MBOAT1: variants seen among roughly 807,000 people sequenced by gnomAD.
MBOAT1 encodes membrane-bound glycerophospholipid O-acyltransferase 1.
In MBOAT1, 67 loss-of-function variants were observed where a neutral mutation model predicts 64.4. The ratio of observed to expected loss-of-function variants is 1.04; its 90% confidence interval spans 0.85 to 1.27. The LOEUF (loss-of-function observed/expected upper bound fraction) is 1.27. MBOAT1 is among the 50% of genes most tolerant of loss of function. MBOAT1 has a pLI of 0.00. For missense variants in MBOAT1, 563 were observed against 604.6 expected (o/e 0.93, Z 0.72); for synonymous variants, 229 against 218.9 (o/e 1.05, Z -0.41).
At chr6:20,150,810 G>T (rs1281942150) in intron 3 of MBOAT1, among the ~76,000 whole-genome samples, 1 of 149,708 alleles carries the variant, frequency 6.7e-6, no homozygotes, top group Non-Finnish European at 1.5e-5. Context: ...TTGAACTCTT[G>T]ACCTCAGGCA....
At chr6:20,119,882 C>T (rs940615202) in intron 8 of MBOAT1, among the ~76,000 whole-genome samples, 1 of 152,220 alleles carries the variant, frequency 6.6e-6, no homozygotes, top group Non-Finnish European at 1.5e-5. Flanking sequence ...CTGACCGTCA[C>T]TGGGACCAGC....
rs183199266 is a variant in MBOAT1, at chr6:20,131,612, C to T, written c.420-413G>A. 2.2e-3 allele frequency among the ~76,000 whole-genome samples: 332 copies of T among 152,238 alleles called. 1 individual carries two copies. The highest frequency in any genetic ancestry group is 7.1e-3 in the African/African-American group (294 of 41,528). On this transcript the variant is annotated intron_variant, in intron 4 of 12. Transcript: ENST00000324607. ...ATGTCTTTATTTAGCAGCATGAGAA[C>T]GGACTAATACAGCCGTTGGAAAGAA... is the stretch of plus-strand genomic sequence containing the variant.
chr6:20,146,773 A>T (rs1252647243), intron 3 of MBOAT1, among the ~76,000 whole-genome samples: 3 of 152,224 alleles, frequency 2.0e-5, no homozygotes, highest in African/African-American at 7.2e-5. Flanking sequence ...CCGCCTGCCC[A>T]GGATGGCACC....
chr6:20,178,876 C>G (rs888872608), intron 1 of MBOAT1, among the ~76,000 whole-genome samples: 2 of 151,680 alleles, frequency 1.3e-5, no homozygotes, highest in African/African-American at 2.4e-5. Context: ...ATCAGAAGAT[C>G]GTATTAATGA....
At chr6:20,173,594 A>G (rs553884705) in intron 1 of MBOAT1, among the ~76,000 whole-genome samples, 2 of 152,336 alleles carry the variant, frequency 1.3e-5, no homozygotes, top group East Asian at 1.9e-4. Context: ...AAATCAGACA[A>G]CTTTTAAAAT....
At chr6:20,149,974 C>T (rs897359129) in intron 3 of MBOAT1, among the ~76,000 whole-genome samples, 1 of 152,140 alleles carries the variant, frequency 6.6e-6, no homozygotes, top group African/African-American at 2.4e-5. Context: ...TTATTGAGCT[C>T]TTACTTGTGC....
chr6:20,176,936 T>G (rs904930049), intron 1 of MBOAT1, among the ~76,000 whole-genome samples: 3 of 152,222 alleles, frequency 2.0e-5, no homozygotes, highest in African/African-American at 7.2e-5. Flanking sequence ...CTATTCATTT[T>G]TATTCCATCT....
At chr6:20,153,429 G>A (rs1581428387) in intron 1 of MBOAT1, among the ~76,000 whole-genome samples, 2 of 152,156 alleles carry the variant, frequency 1.3e-5, no homozygotes, top group East Asian at 3.8e-4. Flanking sequence ...CAAAGAAGGT[G>A]TTCTTTTAGA....
intron 1 of MBOAT1, among the ~76,000 whole-genome samples, chr6:20,209,271 T>C (rs572535373): frequency 6.6e-6 from 1 of 152,352 alleles, no homozygotes; most frequent in African/African-American, 2.4e-5. Context: ...TATGCGCTAT[T>C]TGTCTCTAAT....
chr6:20,176,687 A>G (rs1341181897), intron 1 of MBOAT1, among the ~76,000 whole-genome samples: 2 of 152,088 alleles, frequency 1.3e-5, no homozygotes, highest in African/African-American at 2.4e-5. Flanking sequence ...GCACTGGTGC[A>G]ATCTCAACTC....
intron 1 of MBOAT1, among the ~76,000 whole-genome samples, chr6:20,201,276 C>A (rs1286389348): frequency 6.6e-6 from 1 of 151,990 alleles, no homozygotes; most frequent in East Asian, 1.9e-4. Flanking sequence ...TCAAAAGTCA[C>A]CAGAGCTCTG....
At position 20,126,224 on chromosome 6, in the gene MBOAT1, C is replaced by G. The variant is rs139889267; in HGVS notation, c.714+293G>C. ...TTTCAACTCATAAAGGCAAAACACCCATAGTATTCAAACGTGTTAACTCCA... is the reference window on the plus strand; with the variant it reads ...TTTCAACTCATAAAGGCAAAACACCGATAGTATTCAAACGTGTTAACTCCA... On this transcript the variant is annotated intron_variant, in intron 7 of 12. Coordinates refer to ENST00000324607, the MANE Select transcript of MBOAT1 (RefSeq NM_001080480.3). 5.4e-3 allele frequency among the ~76,000 whole-genome samples: 824 copies of G among 152,218 alleles called. 8 individuals carry two copies. Among genetic ancestry groups the G allele is most frequent in the African/African-American group, 0.019 (792 of 41,508 alleles).
At chr6:20,193,303 G>A (rs1370208473) in intron 1 of MBOAT1, among the ~76,000 whole-genome samples, 2 of 152,064 alleles carry the variant, frequency 1.3e-5, no homozygotes, top group African/African-American at 2.4e-5. Context: ...ACCGCGCCCG[G>A]CCTATAATTT....
At chr6:20,106,586 C>G (rs1053078928) in intron 12 of MBOAT1, among the ~76,000 whole-genome samples, 3 of 152,182 alleles carry the variant, frequency 2.0e-5, no homozygotes, top group Non-Finnish European at 4.4e-5. Context: ...CCATGCCCAG[C>G]TACTTTTTTG....
chr6:20,115,947 C>T (rs13191158), intron 9 of MBOAT1, among the ~76,000 whole-genome samples: 51,931 of 151,272 alleles, frequency 0.34, 9,300 homozygotes, highest in East Asian at 0.55. Context: ...AATCAACCAC[C>T]GAGGAAGAGA....
rs535976841 is a variant in MBOAT1 at position 20,101,561 on chromosome 6, G to A, written c.*725C>T. The stretch of plus-strand genomic sequence containing the variant: ...CTTCCCAGGGAACCACTATGACTGA[G>A]TATATTCTGATTTGAGAAACCTGTG... On this transcript the variant is annotated 3_prime_UTR_variant, in exon 13 of 13. Transcript: ENST00000324607. Among the ~76,000 whole-genome samples, 1 of 152,268 alleles carries A rather than the reference G, an allele frequency of 6.6e-6. No homozygotes were observed. Among genetic ancestry groups the A allele is most frequent in the South Asian group, 2.1e-4 (1 of 4,826 alleles).
chr6:20,212,288 C>T lies in MBOAT1; in HGVS notation c.-54G>A. 40 of 1,526,918 alleles carry T rather than the reference C, an allele frequency of 2.6e-5. No homozygotes were observed. Among genetic ancestry groups the T allele is most frequent in the Non-Finnish European group, 3.6e-5 (40 of 1,120,954 alleles). 94.6% of individuals were successfully genotyped at this position (1,526,918 alleles called of 1,614,324 possible). A position where few individuals can be genotyped will look rare whatever the true frequency, so the allele number is the denominator to read the frequency against. On this transcript the variant is annotated 5_prime_UTR_variant, in exon 1 of 13. Coordinates refer to ENST00000324607, the MANE Select transcript of MBOAT1 (RefSeq NM_001080480.3). ...GTCCCAGCCCGCAACACCCCCTGCT[C>T]GGCGTCCTCCCGCCCGGGTGCTCTT... is the stretch of plus-strand genomic sequence containing the variant.
At chr6:20,203,413 C>T (rs966398093) in intron 1 of MBOAT1, among the ~76,000 whole-genome samples, 8 of 152,116 alleles carry the variant, frequency 5.3e-5, no homozygotes, top group Admixed American at 5.2e-4. Context: ...ATAAACATTT[C>T]ACTACCAGCA....
At chr6:20,177,596 A>C in intron 1 of MBOAT1, among the ~76,000 whole-genome samples, 1 of 151,706 alleles carries the variant, frequency 6.6e-6, no homozygotes, top group Middle Eastern at 3.4e-3. Flanking sequence ...CCACGGTGAA[A>C]CCCCGTCTCT....
Sources: allele counts gnomAD v4.1 joint callset (sites outside exome capture counted in the v4.1 genomes callset), GRCh38; gene constraint gnomAD v4.1.1; transcripts MANE v1.5; gene names NCBI Gene and HGNC (gene_info 2026-07-23, HGNC 2026-07-21).